Variants in LRRTM4 observed in about 807,000 individuals in gnomAD.
LRRTM4 encodes leucine-rich repeat transmembrane neuronal protein 4.
In LRRTM4, 25 loss-of-function variants were observed where a neutral mutation model predicts 47.6. That is an observed-to-expected ratio of 0.53 (90% CI 0.38 to 0.73). The LOEUF (loss-of-function observed/expected upper bound fraction) is 0.73, where lower values mean the gene tolerates loss of function less well. Ranked by LOEUF, LRRTM4 falls within the 30% of genes least tolerant of loss-of-function variation. LRRTM4 has a pLI of 0.00. For missense variants in LRRTM4, 638 were observed against 713.4 expected, an observed-to-expected ratio of 0.89 and a Z score of 1.20; for synonymous variants, 311 against 269.5, an observed-to-expected ratio of 1.15 and a Z score of -1.51.
intron 3 of LRRTM4, among the ~76,000 whole-genome samples, chr2:77,149,047 T>C (rs1672346619): frequency 1.3e-5 from 2 of 152,180 alleles, no homozygotes; most frequent in South Asian, 2.1e-4. Context: ...TTTGTCTATA[T>C]TCACACCATG....
intron 3 of LRRTM4, among the ~76,000 whole-genome samples, chr2:77,133,784 T>C (rs1171789407): frequency 2.0e-5 from 3 of 152,204 alleles, no homozygotes; most frequent in Admixed American, 6.5e-5. Context: ...CGCCATTGAA[T>C]GTCACCTTGA....
At chr2:76,795,490 A>C (rs191149203) in intron 3 of LRRTM4, among the ~76,000 whole-genome samples, 17 of 152,296 alleles carry the variant, frequency 1.1e-4, no homozygotes, top group Admixed American at 8.5e-4. Context: ...GTAGGTGTTA[A>C]TAATCTGGTG....
Position 77,518,517 on chromosome 2 carries a change from G to A in LRRTM4, c.1352C>T (p.Pro451Leu). 1 of 1,613,392 alleles carries A rather than the reference G, an allele frequency of 6.2e-7. No individual in the cohort carries two copies. Among genetic ancestry groups the A allele is most frequent in the Non-Finnish European group, 8.5e-7 (1 of 1,179,618 alleles). ...LVIYVSWKRY[P>L]ASMKQLQQHS... ...TTGCTGGAGTTGTTTCATGCTGGCT[G>A]GGTAGCGTTTCCAAGACACATAGAT... The change falls in exon 3 of 4, where the codon CCA becomes CTA. Residue 451 changes from proline (P) to leucine (L), a missense_variant. Physicochemically the swap from Pro to Leu is moderately conservative, Grantham distance 98. Transcript: ENST00000409884.
intron 3 of LRRTM4, among the ~76,000 whole-genome samples, chr2:77,057,264 G>A (rs62170918): frequency 0.12 from 18,343 of 152,096 alleles, 1,390 homozygotes; most frequent in Admixed American, 0.19. Context: ...ATAGGATAAA[G>A]TTTAGATAAT....
intron 3 of LRRTM4, among the ~76,000 whole-genome samples, chr2:76,915,936 C>A (rs1019594038): frequency 6.6e-6 from 1 of 152,040 alleles, no homozygotes; most frequent in Non-Finnish European, 1.5e-5. Flanking sequence ...AAAAGGTAAT[C>A]TTTGCCTCTT....
chr2:77,111,248 G>T (rs912123154), intron 3 of LRRTM4, among the ~76,000 whole-genome samples: 5 of 151,068 alleles, frequency 3.3e-5, no homozygotes, highest in Non-Finnish European at 1.5e-5. Flanking sequence ...CTGCCGAGTA[G>T]CTGGGACTAC....
At chr2:77,440,380 C>G (rs1253050692) in intron 3 of LRRTM4, among the ~76,000 whole-genome samples, 1 of 152,056 alleles carries the variant, frequency 6.6e-6, no homozygotes, top group African/African-American at 2.4e-5. Flanking sequence ...TGCCACTGCA[C>G]TCCAGCCAGG....
intron 3 of LRRTM4, among the ~76,000 whole-genome samples, chr2:76,778,566 C>T (rs1056440412): frequency 6.6e-6 from 1 of 151,862 alleles, no homozygotes; most frequent in Admixed American, 6.5e-5. Context: ...TTGTAGTATT[C>T]TCTGATGGTA....
In LRRTM4 at chr2:77,519,897, G is replaced by A. The variant is rs754419233; in HGVS notation, c.5-33C>T. 5 of 1,517,190 alleles carry A rather than the reference G, an allele frequency of 3.3e-6. No individual in the cohort carries two copies. The highest frequency in any genetic ancestry group is 1.4e-5 in the African/African-American group (1 of 71,568). The allele number at this position is 1,517,190 out of a possible 1,614,324, so 94.0% of individuals were successfully genotyped here. ...ATTAAAAAAAAGACAGATGCACATT[G>A]TGAAGCTATTAAAATAAATCACCGT... On this transcript the variant is annotated intron_variant, in intron 2 of 3. Coordinates refer to ENST00000409884, the MANE Select transcript of LRRTM4 (RefSeq NM_001134745.3). This position sits in a 1 kb window ranked among gnomAD's most constrained non-coding sequence, Gnocchi z 4.6.
intron 3 of LRRTM4, among the ~76,000 whole-genome samples, chr2:77,013,457 G>A (rs558577154): frequency 1.3e-5 from 2 of 152,062 alleles, no homozygotes; most frequent in Non-Finnish European, 2.9e-5. Flanking sequence ...TGGAAAACTG[G>A]TAGTCAAATG....
intron 3 of LRRTM4, among the ~76,000 whole-genome samples, chr2:77,334,183 ACTTGC>A (rs998493401): frequency 2.0e-5 from 3 of 152,126 alleles, no homozygotes; most frequent in African/African-American, 7.2e-5. Flanking sequence ...GCCAGAAGGG[ACTTGC>A]CTTGTCTCAG....
At chr2:77,198,189 C>A (rs1673881258) in intron 3 of LRRTM4, among the ~76,000 whole-genome samples, 1 of 152,142 alleles carries the variant, frequency 6.6e-6, no homozygotes, top group South Asian at 2.1e-4. Context: ...ATCTTTATAG[C>A]CTCCTATTCA....
chr2:76,981,650 G>A (rs1172945135), intron 3 of LRRTM4, among the ~76,000 whole-genome samples: 1 of 151,874 alleles, frequency 6.6e-6, no homozygotes, highest in Non-Finnish European at 1.5e-5. Context: ...ATGCCACCAT[G>A]CCTAGCTAGT....
At chr2:76,754,717 C>G (rs779305326) in intron 3 of LRRTM4, among the ~76,000 whole-genome samples, 2 of 152,176 alleles carry the variant, frequency 1.3e-5, no homozygotes, top group Non-Finnish European at 2.9e-5. Flanking sequence ...GCCTAGAATA[C>G]AGGCTGGCCT....
intron 3 of LRRTM4, among the ~76,000 whole-genome samples, chr2:76,877,438 G>A (rs535507622): frequency 1.3e-5 from 2 of 151,738 alleles, no homozygotes; most frequent in African/African-American, 2.4e-5. Context: ...ATCAACTAAT[G>A]GATCAGCACT....
intron 3 of LRRTM4, among the ~76,000 whole-genome samples, chr2:77,067,027 G>A (rs1236039579): frequency 6.6e-6 from 1 of 152,180 alleles, no homozygotes; most frequent in Non-Finnish European, 1.5e-5. Context: ...CAAAGAGGAA[G>A]GGGTTCTGAC....
intron 3 of LRRTM4, among the ~76,000 whole-genome samples, chr2:77,224,757 G>A (rs2103957230): frequency 6.6e-6 from 1 of 152,260 alleles, no homozygotes. Context: ...CTTTTACACT[G>A]TTGGTGGGAC....
chr2:76,958,453 T>C (rs2103905680), intron 3 of LRRTM4, among the ~76,000 whole-genome samples: 1 of 151,936 alleles, frequency 6.6e-6, no homozygotes, highest in South Asian at 2.1e-4. Context: ...CCTACGCTGA[T>C]ATTGCTGAAT....
chr2:77,447,011 GA>G (rs35291996), intron 3 of LRRTM4, among the ~76,000 whole-genome samples: 109,791 of 151,900 alleles, frequency 0.72, 39,851 homozygotes, highest in African/African-American at 0.77. Flanking sequence ...GGAGGCAGTA[GA>G]AAAATCTAGT....
Sources: allele counts gnomAD v4.1 joint callset (sites outside exome capture counted in the v4.1 genomes callset), GRCh38; gene constraint gnomAD v4.1.1; non-coding constraint Gnocchi (gnomAD v3.1); transcripts MANE v1.5; gene names NCBI Gene and HGNC (gene_info 2026-07-23, HGNC 2026-07-21).